The following FHIT variants were observed in gnomAD, a reference collection of about 807,000 sequenced individuals.
FHIT encodes bis(5'-adenosyl)-triphosphatase.
A neutral mutation model predicts 17.9 loss-of-function variants in FHIT; 19 were observed. The ratio of observed to expected loss-of-function variants is 1.06; its 90% confidence interval spans 0.74 to 1.56. The LOEUF is 1.56. FHIT is among the 40% of genes most tolerant of loss of function. The pLI is 0.00. For synonymous variants in FHIT, 81 were observed against 69.7 expected, an observed-to-expected ratio of 1.16 and a Z score of -0.81; for missense variants, 248 against 189.2, an observed-to-expected ratio of 1.31 and a Z score of -1.82.
At chr3:60,155,497 A>AT (rs1420614159) in intron 5 of FHIT, among the ~76,000 whole-genome samples, 1 of 152,164 alleles carries the variant, frequency 6.6e-6, no homozygotes, top group East Asian at 1.9e-4. Context: ...AATTCTGACA[A>AT]TAACACTGTT....
intron 4 of FHIT, among the ~76,000 whole-genome samples, chr3:60,795,020 C>T (rs190158057): frequency 2.0e-5 from 3 of 152,260 alleles, no homozygotes; most frequent in Non-Finnish European, 2.9e-5. Flanking sequence ...TTTTGCGTTC[C>T]TTTAGTTATG....
At chr3:59,834,538 A>T (rs1161482093) in intron 8 of FHIT, among the ~76,000 whole-genome samples, 1 of 152,188 alleles carries the variant, frequency 6.6e-6, no homozygotes, top group African/African-American at 2.4e-5. Context: ...ATCCAAGATC[A>T]GAGTGCTAGT....
chr3:60,834,881 G>GAAAAGA (rs1702476267), intron 3 of FHIT, among the ~76,000 whole-genome samples: 1 of 94,494 alleles, frequency 1.1e-5, no homozygotes, highest in Non-Finnish European at 2.2e-5. Context: ...GAAAAGAAAA[G>GAAAAGA]AAAAAAAAAA....
At chr3:60,446,377 G>A (rs1412635619) in intron 5 of FHIT, among the ~76,000 whole-genome samples, 1 of 152,160 alleles carries the variant, frequency 6.6e-6, no homozygotes, top group Non-Finnish European at 1.5e-5. Context: ...CAGCCAGTCT[G>A]AAATGGGGCG....
At chr3:59,775,514 G>A (rs1402126552) in intron 8 of FHIT, among the ~76,000 whole-genome samples, 6 of 151,832 alleles carry the variant, frequency 4.0e-5, no homozygotes, top group African/African-American at 1.5e-4. Context: ...CTTCCTTTTT[G>A]ATTTTATAAA....
intron 5 of FHIT, among the ~76,000 whole-genome samples, chr3:60,170,913 T>G (rs1211815168): frequency 6.6e-6 from 1 of 152,132 alleles, no homozygotes; most frequent in East Asian, 1.9e-4. Flanking sequence ...GAACAAGGCA[T>G]GCAATCTCAA....
At chr3:60,203,555 A>G (rs1435642179) in intron 5 of FHIT, among the ~76,000 whole-genome samples, 1 of 152,204 alleles carries the variant, frequency 6.6e-6, no homozygotes, top group Non-Finnish European at 1.5e-5. Flanking sequence ...TTGACAAAAA[A>G]GATTTTAGTG....
chr3:61,224,894 G>A (rs1434327244), intron 1 of FHIT, among the ~76,000 whole-genome samples: 1 of 152,106 alleles, frequency 6.6e-6, no homozygotes, highest in Non-Finnish European at 1.5e-5. Flanking sequence ...ATTAATTATA[G>A]TAATAGCCAC....
At chr3:59,783,637 T>C (rs1702703182) in intron 8 of FHIT, among the ~76,000 whole-genome samples, 1 of 152,148 alleles carries the variant, frequency 6.6e-6, no homozygotes. Context: ...AGATAATTCT[T>C]AGTTGAGAGA....
intron 2 of FHIT, among the ~76,000 whole-genome samples, chr3:61,074,396 G>A (rs544542840): frequency 2.8e-4 from 42 of 152,184 alleles, no homozygotes; most frequent in Non-Finnish European, 5.7e-4. Context: ...TTACGGCAGA[G>A]GTTGAACACT....
intron 5 of FHIT, among the ~76,000 whole-genome samples, chr3:60,065,403 C>T: frequency 6.6e-6 from 1 of 151,904 alleles, no homozygotes; most frequent in Non-Finnish European, 1.5e-5. Flanking sequence ...ATAATAGTGC[C>T]TGCTTCACAG....
intron 2 of FHIT, among the ~76,000 whole-genome samples, chr3:61,105,291 A>C (rs1472502879): frequency 6.6e-6 from 1 of 151,982 alleles, no homozygotes; most frequent in Non-Finnish European, 1.5e-5. Flanking sequence ...TTGTGGTACA[A>C]GATGGATTTG....
intron 4 of FHIT, among the ~76,000 whole-genome samples, chr3:60,587,891 C>G (rs1018671125): frequency 3.9e-5 from 6 of 151,948 alleles, no homozygotes; most frequent in African/African-American, 1.4e-4. Context: ...CACAGCCTGG[C>G]TGGGGTAGAA....
intron 2 of FHIT, among the ~76,000 whole-genome samples, chr3:61,154,097 C>T (rs899892170): frequency 2.0e-5 from 3 of 152,126 alleles, no homozygotes; most frequent in East Asian, 3.8e-4. Context: ...AACCCCAAAT[C>T]GCTGGCATTT....
chr3:61,156,615 C>G (rs896575452), intron 2 of FHIT, among the ~76,000 whole-genome samples: 1 of 152,122 alleles, frequency 6.6e-6, no homozygotes, highest in African/African-American at 2.4e-5. Flanking sequence ...TACCATACCC[C>G]TCCTCCAAGT....
At position 59,788,430 on chromosome 3, in the gene FHIT, T is replaced by C. The variant is rs147172783; in HGVS notation, c.349-36109A>G. ...GGCTCCAGCCCCAAGGCCTTTTAGG[T>C]CTTCAGACTGGCTCCGTGCCACCCT... is the stretch of plus-strand genomic sequence containing the variant. On this transcript the variant is annotated intron_variant, in intron 8 of 9. Coordinates refer to ENST00000492590, the MANE Select transcript of FHIT (RefSeq NM_002012.4). Among the ~76,000 whole-genome samples, 1,116 of 152,224 alleles carry C rather than the reference T, an allele frequency of 7.3e-3. 6 individuals carry two copies. The highest frequency in any genetic ancestry group is 0.024 in the Middle Eastern group (7 of 294).
chr3:60,354,389 G>T (rs927291911), intron 5 of FHIT, among the ~76,000 whole-genome samples: 1 of 151,950 alleles, frequency 6.6e-6, no homozygotes, highest in African/African-American at 2.4e-5. Context: ...GGATTTGAAG[G>T]CATACATTCC....
At chr3:60,595,744 AG>A (rs1282745418) in intron 4 of FHIT, among the ~76,000 whole-genome samples, 2 of 151,896 alleles carry the variant, frequency 1.3e-5, no homozygotes, top group Non-Finnish European at 2.9e-5. Context: ...CCTGGGCTCA[AG>A]TTATTCTCCT....
rs555688973 is a variant in FHIT, at chr3:60,363,007, A to T, written c.103+173853T>A. The stretch of plus-strand genomic sequence containing the variant: ...ATGTTGGGTAAATCTAGCAATTGAA[A>T]AGGAAAGACGCTGTTAAGTTCAAAT... On this transcript the variant is annotated intron_variant, in intron 5 of 9. Coordinates refer to ENST00000492590, the MANE Select transcript of FHIT (RefSeq NM_002012.4). Among the ~76,000 whole-genome samples the T allele has an allele frequency of 5.3e-5, 8 of 152,338 alleles. No homozygotes were observed. The South Asian group carries it at 8.3e-4, about 16-fold the overall frequency.
Sources: allele counts gnomAD v4.1 joint callset (sites outside exome capture counted in the v4.1 genomes callset), GRCh38; gene constraint gnomAD v4.1.1; transcripts MANE v1.5; gene names NCBI Gene and HGNC (gene_info 2026-07-23, HGNC 2026-07-21).